Variants in MS4A13 observed in about 807,000 individuals in gnomAD.
MS4A13 encodes membrane-spanning 4-domains subfamily A member 13.
A neutral mutation model predicts 18.4 loss-of-function variants in MS4A13; 21 were observed. The ratio of observed to expected loss-of-function variants is 1.14; its 90% CI spans 0.81 to 1.64. The LOEUF is 1.64. Ranked by LOEUF, MS4A13 falls within the 40% of genes most tolerant of loss-of-function variation. The probability of loss-of-function intolerance (pLI) is 0.00; values close to 1 mark genes in which losing one functional copy is unlikely to be tolerated. For missense variants in MS4A13, 173 were observed against 176.8 expected, an observed-to-expected ratio of 0.98 and a Z score of 0.12; for synonymous variants, 62 against 57.2, an observed-to-expected ratio of 1.08 and a Z score of -0.38.
chr11:60,532,296 C>T (rs958231245), intron 6 of MS4A13, among the ~76,000 whole-genome samples: 19 of 152,170 alleles, frequency 1.2e-4, no homozygotes, highest in East Asian at 1.9e-4. Context: ...AGACAGTGGG[C>T]GCAGGCCAGT....
chr11:60,529,175 A>C (rs1350030335), intron 5 of MS4A13, among the ~76,000 whole-genome samples, 190 bp from the exon 6 acceptor site: 1 of 152,090 alleles, frequency 6.6e-6, no homozygotes, highest in African/African-American at 2.4e-5. Context: ...AAAGCTAGGG[A>C]AAGTGTAGCA....
At chr11:60,533,475 A>G (rs1349358513) in intron 6 of MS4A13, among the ~76,000 whole-genome samples, 1 of 103,184 alleles carries the variant, frequency 9.7e-6, no homozygotes, top group African/African-American at 3.9e-5. Flanking sequence ...TTAGAGAAAA[A>G]AGAATAAAAA....
intron 6 of MS4A13, among the ~76,000 whole-genome samples, chr11:60,532,512 G>C (rs1221345143): frequency 6.6e-6 from 1 of 152,234 alleles, no homozygotes; most frequent in Non-Finnish European, 1.5e-5. Flanking sequence ...ACCTGGCTCA[G>C]AGGGTCCTAC....
At chr11:60,520,635 A>G (rs1001826231) in intron 3 of MS4A13, among the ~76,000 whole-genome samples, 18 of 152,254 alleles carry the variant, frequency 1.2e-4, no homozygotes, top group Admixed American at 1.2e-3. Flanking sequence ...GTGGGCTCCC[A>G]TGGCCTTGGG....
At chr11:60,525,746 A>T (rs2086709336) in intron 5 of MS4A13, among the ~76,000 whole-genome samples, 1 of 152,156 alleles carries the variant, frequency 6.6e-6, no homozygotes, top group Admixed American at 6.5e-5. Context: ...AATTTTTCAT[A>T]CATAGCCTAT....
At chr11:60,525,595 C>T (rs1483872948) in intron 5 of MS4A13, among the ~76,000 whole-genome samples, 1 of 152,154 alleles carries the variant, frequency 6.6e-6, no homozygotes, top group Non-Finnish European at 1.5e-5. Context: ...GTATTAGGCA[C>T]AGAGCCACTT....
At chr11:60,529,168 G>T (rs1164980792) in intron 5 of MS4A13, among the ~76,000 whole-genome samples, 197 bp from the exon 6 acceptor site, 1 of 151,854 alleles carries the variant, frequency 6.6e-6, no homozygotes, top group Non-Finnish European at 1.5e-5. Flanking sequence ...GGAACTGAAA[G>T]CTAGGGAAAG....
At chr11:60,532,315 G>A (rs1342008839) in intron 6 of MS4A13, among the ~76,000 whole-genome samples, 2 of 152,190 alleles carry the variant, frequency 1.3e-5, no homozygotes, top group East Asian at 1.9e-4. Flanking sequence ...GTGTGTGCAC[G>A]CACCGTGCGC....
At chr11:60,541,178 TAA>T (rs762643882) in intron 6 of MS4A13, among the ~76,000 whole-genome samples, 1 of 152,220 alleles carries the variant, frequency 6.6e-6, no homozygotes, top group Non-Finnish European at 1.5e-5. Context: ...AGTTGAAATA[TAA>T]GTTATTGCAA....
At chr11:60,527,404 CTCTCTCTGTG>C (rs1758811946) in intron 5 of MS4A13, among the ~76,000 whole-genome samples, 34 of 73,512 alleles carry the variant, frequency 4.6e-4, no homozygotes, top group East Asian at 2.3e-3. Context: ...CTCTCTCTCT[CTCTCTCTGTG>C]TGTGTGTGTG....
chr11:60,519,775 G>A (rs377613264), intron 3 of MS4A13, among the ~76,000 whole-genome samples: 1 of 152,168 alleles, frequency 6.6e-6, no homozygotes, highest in African/African-American at 2.4e-5. Context: ...GGCAGTGTTT[G>A]TAATGGTTGG....
chr11:60,527,392 C>CTG (rs2086723454), intron 5 of MS4A13, among the ~76,000 whole-genome samples: 1 of 122,170 alleles, frequency 8.2e-6, no homozygotes, highest in African/African-American at 3.8e-5. Context: ...CTCTCTCTCT[C>CTG]TCTCTCTCTC....
chr11:60,539,147 T>C (rs1461129098), intron 6 of MS4A13, among the ~76,000 whole-genome samples: 2 of 130,672 alleles, frequency 1.5e-5, no homozygotes, highest in African/African-American at 6.0e-5. Flanking sequence ...CTACCCAGAA[T>C]ACTGACTTGC....
At chr11:60,542,398 C>CT in intron 6 of MS4A13, 121 bp from the exon 7 acceptor site, 2 of 532,686 alleles carry the variant, frequency 3.8e-6, no homozygotes, top group Non-Finnish European at 6.4e-6. Flanking sequence ...AAATAGGATA[C>CT]TTTAAGATTT....
chr11:60,518,358 T>C (rs2086652066), intron 3 of MS4A13, 146 bp downstream of exon 3: 7 of 676,040 alleles, frequency 1.0e-5, no homozygotes. Flanking sequence ...AAAGTCAGAT[T>C]CCTTTTTTCA....
At chr11:60,519,986 G>A (rs1465011824) in intron 3 of MS4A13, among the ~76,000 whole-genome samples, 2 of 152,158 alleles carry the variant, frequency 1.3e-5, no homozygotes, top group African/African-American at 4.8e-5. Flanking sequence ...ATGATTATGG[G>A]AGTGAGTGAC....
chr11:60,527,313 G>T (rs909551616), intron 5 of MS4A13, among the ~76,000 whole-genome samples: 3 of 146,196 alleles, frequency 2.1e-5, no homozygotes, highest in Non-Finnish European at 4.5e-5. Flanking sequence ...ACTTAAGCTG[G>T]GTCCAGAAGC....
intron 3 of MS4A13, among the ~76,000 whole-genome samples, chr11:60,522,234 A>ATATATC (rs1402742805): frequency 1.1e-3 from 119 of 108,660 alleles, no homozygotes; most frequent in Middle Eastern, 8.7e-3. Flanking sequence ...ATAGATAGAT[A>ATATATC]GATAGATGTA....
chr11:60,520,494 G>A (rs1041648881), intron 3 of MS4A13, among the ~76,000 whole-genome samples: 2 of 152,182 alleles, frequency 1.3e-5, no homozygotes, highest in Admixed American at 6.5e-5. Flanking sequence ...TTCCAAATGC[G>A]AGAAATTGGT....
Sources: gnomAD v4.1 joint callset for allele counts (sites outside exome capture counted in the v4.1 genomes callset) on GRCh38, gnomAD v4.1.1 for gene constraint, MANE v1.5 for transcripts, NCBI Gene and HGNC (gene_info 2026-07-23, HGNC 2026-07-21) for gene names.